The following CXXC5 variants were observed in gnomAD, a reference collection of about 807,000 sequenced individuals.
The protein encoded by CXXC5 is CXXC-type zinc finger protein 5.
Under a neutral mutation model 17.6 loss-of-function variants are expected in CXXC5, and 2 were observed. The ratio of observed to expected loss-of-function variants is 0.11; its 90% confidence interval spans 0.05 to 0.36. The LOEUF is 0.36. Ranked by LOEUF, CXXC5 falls within the 10% of genes least tolerant of loss-of-function variation. The pLI is 1.00. For missense variants in CXXC5, 343 were observed against 458.3 expected (o/e 0.75, Z 2.30); for synonymous variants, 171 against 193.0 (o/e 0.89, Z 0.94).
intron 1 of CXXC5, among the ~76,000 whole-genome samples, chr5:139,651,769 C>T (rs1255293810): frequency 1.3e-5 from 2 of 151,990 alleles, no homozygotes; most frequent in African/African-American, 4.8e-5. Flanking sequence ...TGAGCCAGAC[C>T]CAAGCCTGGG....
rs1322127454 is a variant in CXXC5 at position 139,663,622 on chromosome 5, G to A, written c.-161+14777G>A. On this transcript the variant is annotated intron_variant, in intron 1 of 2. Coordinates refer to ENST00000302517, the MANE Select transcript of CXXC5 (RefSeq NM_016463.9). This position sits in a 1 kb window ranked among gnomAD's most constrained non-coding sequence, Gnocchi z 4.2. ...TTGTATTTGGGGCTGGGGAAACTGAGGCATGAAGGATTGCCTCAGAGCTCA... is the reference window on the plus strand; with the variant it reads ...TTGTATTTGGGGCTGGGGAAACTGAAGCATGAAGGATTGCCTCAGAGCTCA... Among the ~76,000 whole-genome samples the A allele has an allele frequency of 1.3e-5, 2 of 152,166 alleles. No homozygotes were observed. The highest frequency in any genetic ancestry group is 2.9e-5 in the Non-Finnish European group (2 of 68,028).
chr5:139,670,635 C>G lies in CXXC5; in HGVS notation c.-160-9729C>G, dbSNP rs144619664. Among the ~76,000 whole-genome samples the G allele has an allele frequency of 4.7e-4, 71 of 152,326 alleles. No individual in the cohort carries two copies. Among genetic ancestry groups the G allele is most frequent in the Non-Finnish European group, 9.1e-4 (62 of 68,030 alleles). On this transcript the variant is annotated intron_variant, in intron 1 of 2. Coordinates refer to ENST00000302517, the MANE Select transcript of CXXC5 (RefSeq NM_016463.9). This position sits in a 1 kb window ranked among gnomAD's most constrained non-coding sequence, Gnocchi z 4.2. ...GTGTTGACACGTACAGACCAGAAGA[C>G]TCCACAAACATCCTCTCACCACGTA...
intron 1 of CXXC5, among the ~76,000 whole-genome samples, chr5:139,669,090 C>T (rs928986824): frequency 7.9e-5 from 12 of 152,184 alleles, no homozygotes; most frequent in Non-Finnish European, 1.2e-4. Flanking sequence ...CAGGCAGGCC[C>T]TGGGCACTGA....
upstream of CXXC5, chr5:139,647,485 G>A (rs774390656): frequency 6.6e-5 from 10 of 152,286 alleles, no homozygotes; most frequent in Non-Finnish European, 1.5e-4. Flanking sequence ...AGCCTAAGAT[G>A]GGCATATGGA....
At chr5:139,672,976 C>T (rs1756567901) in intron 1 of CXXC5, among the ~76,000 whole-genome samples, 1 of 152,196 alleles carries the variant, frequency 6.6e-6, no homozygotes, top group African/African-American at 2.4e-5. Context: ...CATCCCTGGA[C>T]TAGCCTTCCC....
intron 1 of CXXC5, among the ~76,000 whole-genome samples, chr5:139,677,054 G>T (rs766969279): frequency 4.6e-5 from 7 of 151,912 alleles, no homozygotes; most frequent in Non-Finnish European, 1.0e-4. Context: ...CTCCTGCATG[G>T]ACAAAGGGGT....
chr5:139,674,393 G>C (rs562399047), intron 1 of CXXC5, among the ~76,000 whole-genome samples: 30 of 152,324 alleles, frequency 2.0e-4, no homozygotes, highest in East Asian at 1.7e-3. Context: ...ACCAAGGTGG[G>C]GGGGAGGAGA....
chr5:139,650,878 G>A (rs186136799), intron 1 of CXXC5: 85 of 152,280 alleles, frequency 5.6e-4, no homozygotes, highest in African/African-American at 2.0e-3. Flanking sequence ...CTAGATGAGA[G>A]TCAGGCTGGA....
chr5:139,659,903 C>G (rs1030675331), intron 1 of CXXC5, among the ~76,000 whole-genome samples: 4 of 152,214 alleles, frequency 2.6e-5, no homozygotes, highest in Non-Finnish European at 4.4e-5. Flanking sequence ...CAAAGCCCCC[C>G]GGGAAGGCAG....
chr5:139,657,662 G>T (rs888384628), intron 1 of CXXC5, among the ~76,000 whole-genome samples: 1 of 152,178 alleles, frequency 6.6e-6, no homozygotes, highest in African/African-American at 2.4e-5. Flanking sequence ...CCAGTGGGGC[G>T]GGTCCTATCT....
At position 139,674,246 on chromosome 5, in the gene CXXC5, A is replaced by G. The variant is rs149329910; in HGVS notation, c.-160-6118A>G. On this transcript the variant is annotated intron_variant, in intron 1 of 2. Coordinates refer to ENST00000302517, the MANE Select transcript of CXXC5 (RefSeq NM_016463.9). ...GAAACTCCCCAGGCTGAATCATGGA[A>G]ATCAGAGACGGGACACCCTCCCTTC... Among the ~76,000 whole-genome samples, 36 of 152,190 alleles carry G rather than the reference A, an allele frequency of 2.4e-4. No individual in the cohort carries two copies. In the East Asian group the frequency reaches 7.0e-3, roughly 29 times the overall value.
intron 1 of CXXC5, among the ~76,000 whole-genome samples, chr5:139,651,600 T>A (rs1755182842): frequency 6.6e-6 from 1 of 152,136 alleles, no homozygotes; most frequent in South Asian, 2.1e-4. Context: ...AAGAAACAAG[T>A]CCAGGGGAAT....
rs1017863050 is a variant in CXXC5 at position 139,663,228 on chromosome 5, C to T, written c.-161+14383C>T. 6.6e-6 allele frequency among the ~76,000 whole-genome samples: 1 copy of T among 152,102 alleles called. No individual in the cohort carries two copies. Among genetic ancestry groups the T allele is most frequent in the African/African-American group, 2.4e-5 (1 of 41,416 alleles). On this transcript the variant is annotated intron_variant, in intron 1 of 2. Transcript: ENST00000302517. This position sits in a 1 kb window ranked among gnomAD's most constrained non-coding sequence, Gnocchi z 4.2. ...TAATATCAGAGGGAGCAGAGAGAGCCGACTGTAGTTTCAAGGCTTTCTCTG... is the reference window on the plus strand; with the variant it reads ...TAATATCAGAGGGAGCAGAGAGAGCTGACTGTAGTTTCAAGGCTTTCTCTG...
chr5:139,651,706 C>T (rs1381742549), intron 1 of CXXC5, among the ~76,000 whole-genome samples: 6 of 151,722 alleles, frequency 4.0e-5, no homozygotes, highest in Non-Finnish European at 4.4e-5. Context: ...GGGATGTGGG[C>T]TGGGCTGACT....
intron 1 of CXXC5, 185 bp downstream of exon 1, chr5:139,649,030 G>C (rs1361336838): frequency 6.6e-6 from 1 of 152,302 alleles, no homozygotes; most frequent in African/African-American, 2.4e-5. Context: ...CCGGGGACGG[G>C]GAAGGAGGGG....
intron 1 of CXXC5, among the ~76,000 whole-genome samples, chr5:139,650,421 C>T (rs1332413975): frequency 6.6e-6 from 1 of 152,234 alleles, no homozygotes; most frequent in Admixed American, 6.5e-5. Flanking sequence ...CCCGCATTTT[C>T]TTTGGAAGCG....
chr5:139,648,005 G>T (rs1417104709), upstream of CXXC5: 2 of 151,816 alleles, frequency 1.3e-5, no homozygotes, highest in South Asian at 4.2e-4. Flanking sequence ...TTCCCCGGAG[G>T]TGCGTCTCTA....
At chr5:139,653,348 A>G (rs946954721) in intron 1 of CXXC5, among the ~76,000 whole-genome samples, 3 of 152,208 alleles carry the variant, frequency 2.0e-5, no homozygotes, top group African/African-American at 7.2e-5. Flanking sequence ...TGGTGGAGCC[A>G]GTGGCAGCAA....
intron 1 of CXXC5, among the ~76,000 whole-genome samples, chr5:139,655,401 A>ACCAGCTGTGCCGGCCG (rs1755435219): frequency 2.3e-5 from 1 of 43,416 alleles, no homozygotes. Context: ...CCCCTACCCC[A>ACCAGCTGTGCCGGCCG]GCCCACACAG....
Sources: gnomAD v4.1 joint callset for allele counts (sites outside exome capture counted in the v4.1 genomes callset) on GRCh38, gnomAD v4.1.1 for gene constraint, Gnocchi (gnomAD v3.1) non-coding constraint, MANE v1.5 for transcripts, NCBI Gene and HGNC (gene_info 2026-07-23, HGNC 2026-07-21) for gene names.